Variants in TMEM123 observed in about 807,000 individuals in gnomAD.
The protein encoded by TMEM123 is porimin.
TMEM123 carries 16 observed loss-of-function variants against 19.7 expected under a neutral mutation model. The observed-to-expected ratio is 0.81, with a 90% CI of 0.55 to 1.23. TMEM123 has a LOEUF of 1.23. Among genes scored for constraint, TMEM123 ranks in the 50% most tolerant of loss-of-function variants. The pLI is 0.00. For missense variants in TMEM123, 313 were observed against 257.8 expected, an observed-to-expected ratio of 1.21 and a Z score of -1.47; for synonymous variants, 118 against 99.4, an observed-to-expected ratio of 1.19 and a Z score of -1.12.
At chr11:102,434,535 G>C (rs1479348197) in intron 2 of TMEM123, among the ~76,000 whole-genome samples, 1 of 151,820 alleles carries the variant, frequency 6.6e-6, no homozygotes, top group African/African-American at 2.4e-5. Flanking sequence ...CTCCCAATCT[G>C]TATGATGTCT....
At chr11:102,401,885 TA>T in intron 3 of TMEM123, 30 bp downstream of exon 3, 1 of 1,596,088 alleles carries the variant, frequency 6.3e-7, no homozygotes, top group Non-Finnish European at 8.6e-7. Flanking sequence ...ACTTGCAGCA[TA>T]GGAAAAAAAA....
intron 3 of TMEM123, 54 bp downstream of exon 3, chr11:102,401,862 G>A: frequency 6.4e-7 from 1 of 1,572,956 alleles, no homozygotes; most frequent in East Asian, 2.2e-5. Context: ...TGACTTAAAT[G>A]TGGCATTTAA....
chr11:102,422,175 G>A (rs1357519015), intron 2 of TMEM123, among the ~76,000 whole-genome samples: 1 of 152,196 alleles, frequency 6.6e-6, no homozygotes, highest in African/African-American at 2.4e-5. Context: ...AATGTTGATG[G>A]TAAAGGTGGA....
chr11:102,434,307 C>T (rs1857740685), intron 2 of TMEM123, among the ~76,000 whole-genome samples: 1 of 151,866 alleles, frequency 6.6e-6, no homozygotes, highest in South Asian at 2.1e-4. Context: ...GAAGACATTT[C>T]ATTGTGGTTT....
At chr11:102,403,960 G>A (rs912092082) in intron 2 of TMEM123, among the ~76,000 whole-genome samples, 3 of 152,190 alleles carry the variant, frequency 2.0e-5, no homozygotes, top group Non-Finnish European at 4.4e-5. Context: ...ACCAGGGCTT[G>A]CAGAACTTTC....
At chr11:102,443,283 G>C (rs558666364) in intron 2 of TMEM123, among the ~76,000 whole-genome samples, 1 of 152,050 alleles carries the variant, frequency 6.6e-6, no homozygotes, top group African/African-American at 2.4e-5. Flanking sequence ...ATCATGCTAC[G>C]TGATTTCAAA....
Position 102,409,862 on chromosome 11 carries a change from CACAA to C in TMEM123, c.158-7660_158-7657del, listed in dbSNP as rs539163884. ...CCTGGGTGACAGAGCAAGACTCCGT[CACAA>C]ACAAACAAACAAACTAGATAAATCT... On this transcript the variant is annotated intron_variant, in intron 2 of 4. Transcript: ENST00000398136. 2.8e-3 allele frequency among the ~76,000 whole-genome samples: 419 copies of C among 147,904 alleles called. 1 individual carries two copies. Among genetic ancestry groups the C allele is most frequent in the African/African-American group, 8.3e-3 (331 of 39,996 alleles).
chr11:102,398,825 G>A lies in TMEM123; in HGVS notation c.*42C>T. 1 of 1,598,044 alleles carries A rather than the reference G, an allele frequency of 6.3e-7. No homozygotes were observed. Among genetic ancestry groups the A allele is most frequent in the Non-Finnish European group, 8.5e-7 (1 of 1,172,012 alleles). ...TTAATAAACCAAAATTAATTGATAG[G>A]GCAGCATCAATCTGTATTCCATCCT... On this transcript the variant is annotated 3_prime_UTR_variant, in exon 5 of 5. Coordinates refer to ENST00000398136, the MANE Select transcript of TMEM123 (RefSeq NM_052932.3).
At chr11:102,431,727 T>G (rs1857711898) in intron 2 of TMEM123, among the ~76,000 whole-genome samples, 1 of 152,244 alleles carries the variant, frequency 6.6e-6, no homozygotes, top group Admixed American at 6.5e-5. Flanking sequence ...ATTCTACAAC[T>G]TGGTGATATG....
intron 2 of TMEM123, among the ~76,000 whole-genome samples, chr11:102,405,361 T>C (rs1285737883): frequency 6.6e-6 from 1 of 152,218 alleles, no homozygotes; most frequent in Admixed American, 6.5e-5. Flanking sequence ...CTGATCTATT[T>C]TCTTAATAAG....
intron 2 of TMEM123, among the ~76,000 whole-genome samples, chr11:102,411,465 TTATC>T (rs1952003893): frequency 6.6e-6 from 1 of 152,178 alleles, no homozygotes; most frequent in African/African-American, 2.4e-5. Flanking sequence ...TTCTAGCAAA[TTATC>T]TAACCCAAGG....
intron 2 of TMEM123, chr11:102,448,261 T>C (rs1857904135): frequency 1.1e-5 from 5 of 456,280 alleles, no homozygotes; most frequent in Non-Finnish European, 2.2e-5. Context: ...CTGATATTGA[T>C]GACATCAGCC....
chr11:102,438,781 G>C (rs61895430), intron 2 of TMEM123, among the ~76,000 whole-genome samples: 1 of 152,250 alleles, frequency 6.6e-6, no homozygotes, highest in East Asian at 1.9e-4. Context: ...AGCCGAAGCA[G>C]GGCAGGGCAC....
At chr11:102,407,683 T>C (rs968097723) in intron 2 of TMEM123, among the ~76,000 whole-genome samples, 3 of 152,124 alleles carry the variant, frequency 2.0e-5, no homozygotes, top group African/African-American at 7.2e-5. Flanking sequence ...ACAGAGATCA[T>C]GGTGATGTCT....
At chr11:102,434,583 C>A (rs1857744124) in intron 2 of TMEM123, among the ~76,000 whole-genome samples, 1 of 151,778 alleles carries the variant, frequency 6.6e-6, no homozygotes, top group Non-Finnish European at 1.5e-5. Flanking sequence ...AGAAGCTTTT[C>A]AGTTTGATGT....
At chr11:102,431,964 T>G (rs2135858100) in intron 2 of TMEM123, among the ~76,000 whole-genome samples, 1 of 152,324 alleles carries the variant, frequency 6.6e-6, no homozygotes, top group East Asian at 1.9e-4. Context: ...CTGCCATGAT[T>G]GTGAGTTTCC....
At chr11:102,442,889 C>T (rs1047171034) in intron 2 of TMEM123, among the ~76,000 whole-genome samples, 3 of 152,228 alleles carry the variant, frequency 2.0e-5, no homozygotes, top group African/African-American at 7.2e-5. Context: ...ACAAGCATTC[C>T]TATACACCAA....
In TMEM123 at chr11:102,396,621, A is replaced by G. The variant is rs184233620; in HGVS notation, c.*2246T>C. ...TCAAGGAATGCAAGCAAAACTGAGC[A>G]TTTTTTTTATGCTTAAGAAATATGG... is the stretch of plus-strand genomic sequence containing the variant. On this transcript the variant is annotated 3_prime_UTR_variant, in exon 5 of 5. Transcript: ENST00000398136. 6.6e-5 allele frequency: 10 copies of G among 152,106 alleles called. No homozygotes were observed. In the East Asian group the frequency reaches 1.5e-3, roughly 24 times the overall value. The allele number at this position is 152,106 out of a possible 1,614,324, so 9.4% of individuals were successfully genotyped here. A position where few individuals can be genotyped will look rare whatever the true frequency, so the allele number is the denominator to read the frequency against.
At chr11:102,406,785 G>A (rs1432531871) in intron 2 of TMEM123, among the ~76,000 whole-genome samples, 3 of 151,624 alleles carry the variant, frequency 2.0e-5, no homozygotes, top group Admixed American at 6.6e-5. Context: ...GCAGGAGAAT[G>A]GCGTGAACCT....
Sources: allele counts gnomAD v4.1 joint callset (sites outside exome capture counted in the v4.1 genomes callset), GRCh38; gene constraint gnomAD v4.1.1; transcripts MANE v1.5; gene names NCBI Gene and HGNC (gene_info 2026-07-23, HGNC 2026-07-21).